The following MYOF variants were observed in gnomAD, a reference collection of about 807,000 sequenced individuals.
The protein encoded by MYOF is fer-1-like 3, myoferlin.
A neutral mutation model predicts 284.2 loss-of-function variants in MYOF; 244 were observed. The observed-to-expected ratio is 0.86, with a 90% CI of 0.77 to 0.95. The LOEUF is 0.95. Among genes scored for constraint, MYOF ranks in the 40% least tolerant of loss-of-function variants. The pLI is 0.00. For missense variants in MYOF, 2,496 were observed against 2,560.6 expected, an observed-to-expected ratio of 0.97 and a Z score of 0.54; for synonymous variants, 904 against 919.7, an observed-to-expected ratio of 0.98 and a Z score of 0.31.
At chr10:93,474,725 T>C (rs2004558) in intron 1 of MYOF, among the ~76,000 whole-genome samples, 117,914 of 151,706 alleles carry the variant, frequency 0.78, 46,276 homozygotes, top group South Asian at 0.85. Flanking sequence ...AGGCAGGAGA[T>C]ATTATTAAGA....
chr10:93,309,243 C>T (rs1222155098), intron 53 of MYOF, among the ~76,000 whole-genome samples: 3 of 152,166 alleles, frequency 2.0e-5, no homozygotes, highest in East Asian at 1.9e-4. Context: ...TCCTTGTTCC[C>T]GTGGCTGCCT....
At position 93,431,531 on chromosome 10, in the gene MYOF, G is replaced by T. The variant is rs750053885; in HGVS notation, c.237-15C>A. ...TGCCAATTAATCTGCAGGGAAAACA[G>T]GAAAGCACATAGCAGCCTAAGTAGG... On this transcript the variant is annotated splice_polypyrimidine_tract_variant and intron_variant, in intron 3 of 53. Coordinates refer to ENST00000359263, the MANE Select transcript of MYOF (RefSeq NM_013451.4). 10 of 1,607,864 alleles carry T rather than the reference G, an allele frequency of 6.2e-6. No homozygotes were observed. The highest frequency in any genetic ancestry group is 1.3e-5 in the African/African-American group (1 of 74,774).
chr10:93,410,360 T>G (rs972737665), intron 5 of MYOF, among the ~76,000 whole-genome samples: 5 of 152,066 alleles, frequency 3.3e-5, no homozygotes, highest in Non-Finnish European at 5.9e-5. Flanking sequence ...CCCTCTGCAC[T>G]CAGGAAAAGG....
At chr10:93,432,113 C>G (rs1324056410) in intron 3 of MYOF, among the ~76,000 whole-genome samples, 1 of 152,076 alleles carries the variant, frequency 6.6e-6, no homozygotes, top group Non-Finnish European at 1.5e-5. Flanking sequence ...AGTGGCCAGA[C>G]ACAGTGGCTT....
intron 19 of MYOF, among the ~76,000 whole-genome samples, chr10:93,383,065 T>G (rs1846200958): frequency 1.3e-5 from 2 of 152,238 alleles, no homozygotes; most frequent in Admixed American, 6.5e-5. Flanking sequence ...CTGGCTAATT[T>G]TTGTATTTTT....
At chr10:93,479,172 G>A (rs189485480) in intron 1 of MYOF, among the ~76,000 whole-genome samples, 125 of 149,124 alleles carry the variant, frequency 8.4e-4, no homozygotes, top group Non-Finnish European at 1.6e-3. Flanking sequence ...ATGGAGTCTC[G>A]TTCTATCTCC....
intron 3 of MYOF, among the ~76,000 whole-genome samples, chr10:93,434,458 T>A (rs1300182082): frequency 6.7e-6 from 1 of 149,156 alleles, no homozygotes; most frequent in Non-Finnish European, 1.5e-5. Context: ...CAAAAAAGAA[T>A]CTGTAGTTGG....
At chr10:93,365,056 C>G (rs1845266344) in intron 26 of MYOF, among the ~76,000 whole-genome samples, 1 of 152,178 alleles carries the variant, frequency 6.6e-6, no homozygotes, top group Non-Finnish European at 1.5e-5. Context: ...CAATTCAAAC[C>G]CCATTTTCCT....
chr10:93,381,897 C>T (rs1042455654), intron 19 of MYOF, among the ~76,000 whole-genome samples: 2 of 152,054 alleles, frequency 1.3e-5, no homozygotes, highest in African/African-American at 2.4e-5. Context: ...ATTAGCTGGG[C>T]GTGGTGGTGC....
rs540093510 is a variant in MYOF at position 93,354,851 on chromosome 10, G to GA, written c.3403+776dup. Among the ~76,000 whole-genome samples the GA allele has an allele frequency of 5.3e-5, 8 of 152,076 alleles. No individual in the cohort carries two copies. The South Asian group carries it at 1.5e-3, about 28-fold the overall frequency. On this transcript the variant is annotated intron_variant, in intron 31 of 53. Transcript: ENST00000359263. ...CTTGGTTCCTTCTTCTGTATAACGG[G>GA]AACAATAATAGCACCTACCTTACAG...
rs1564713869 is a variant in MYOF at position 93,431,533 on chromosome 10, A to G, written c.237-17T>C. ...CCAATTAATCTGCAGGGAAAACAGG[A>G]AAGCACATAGCAGCCTAAGTAGGAG... On this transcript the variant is annotated splice_polypyrimidine_tract_variant and intron_variant, in intron 3 of 53. Coordinates refer to ENST00000359263, the MANE Select transcript of MYOF (RefSeq NM_013451.4). The G allele has an allele frequency of 3.1e-6, 5 of 1,605,526 alleles. No individual in the cohort carries two copies. The highest frequency in any genetic ancestry group is 4.3e-6 in the Non-Finnish European group (5 of 1,172,746).
At chr10:93,470,060 C>A (rs749861585) in intron 1 of MYOF, among the ~76,000 whole-genome samples, 1 of 151,770 alleles carries the variant, frequency 6.6e-6, no homozygotes, top group African/African-American at 2.4e-5. Context: ...GAAACCCAGT[C>A]TCTGCTAAAA....
intron 3 of MYOF, among the ~76,000 whole-genome samples, chr10:93,435,299 C>A (rs1018689078): frequency 1.3e-5 from 2 of 152,178 alleles, no homozygotes; most frequent in African/African-American, 4.8e-5. Context: ...AGAGGGCCAG[C>A]CTGGGGTTGG....
At chr10:93,343,148 TTCA>T (rs1266807255) in intron 38 of MYOF, among the ~76,000 whole-genome samples, 1 of 152,222 alleles carries the variant, frequency 6.6e-6, no homozygotes, top group African/African-American at 2.4e-5. Flanking sequence ...GCTGTGAATG[TTCA>T]TCATAACTGC....
intron 37 of MYOF, among the ~76,000 whole-genome samples, chr10:93,347,311 G>A (rs1348014794): frequency 6.6e-6 from 1 of 151,388 alleles, no homozygotes; most frequent in African/African-American, 2.4e-5. Flanking sequence ...CCAGCACTTT[G>A]GGAGGCCGAG....
In MYOF at chr10:93,404,028, A is replaced by G; in HGVS notation, c.838T>C (p.Phe280Leu). 1.9e-6 allele frequency: 3 copies of G among 1,614,008 alleles called. No individual in the cohort carries two copies. In the East Asian group the frequency reaches 6.7e-5, roughly 36 times the overall value. Residue 280 changes from phenylalanine to leucine, a missense_variant, in exon 9 of 54, where the codon TTT (phenylalanine) becomes CTT (leucine). Around this residue, in one of 3 missense-constraint regions of MYOF, gnomAD observed 2,436 missense variants for 2,480.7 expected, o/e 0.98. Transcript: ENST00000359263. ...AGCAGACTGTTGTCACTCACCTTAA[A>G]TTCCCCCATCAGACAATCTGCCCGC... The part of the protein sequence containing the change: ...SLRADCLMGE[F>L]KIDVGFVYDE...
chr10:93,337,699 T>G lies in MYOF; in HGVS notation c.4437+116A>C, dbSNP rs1291902775. 4 of 771,370 alleles carry G rather than the reference T, an allele frequency of 5.2e-6. No individual in the cohort carries two copies. The African/African-American group carries it at 7.0e-5, about 14-fold the overall frequency. 47.8% of individuals were successfully genotyped at this position (771,370 alleles called of 1,614,324 possible). A position where few individuals can be genotyped will look rare whatever the true frequency, so the allele number is the denominator to read the frequency against. The stretch of plus-strand genomic sequence containing the variant: ...CTCTCCGGGAAGACAGAGGTTTTCC[T>G]GGGCCCTGCTCATTAGCACCCACCC... On this transcript the variant is annotated intron_variant, in intron 40 of 53. Transcript: ENST00000359263.
intron 47 of MYOF, 29 bp downstream of exon 47, chr10:93,323,241 G>T: frequency 6.2e-7 from 1 of 1,613,590 alleles, no homozygotes; most frequent in Non-Finnish European, 8.5e-7. Context: ...CCCAGTGTAT[G>T]TATCAGGGTC....
chr10:93,351,390 T>G, intron 34 of MYOF, 23 bp downstream of exon 34: 13 of 1,612,642 alleles, frequency 8.1e-6, no homozygotes, highest in Non-Finnish European at 1.1e-5. Flanking sequence ...ACAGAATACA[T>G]GAGGAAGAAC....
Sources: gnomAD v4.1 joint callset for allele counts (sites outside exome capture counted in the v4.1 genomes callset) on GRCh38, gnomAD v4.1.1 for gene constraint, gnomAD v4.1.1 regional missense constraint, MANE v1.5 for transcripts, NCBI Gene and HGNC (gene_info 2026-07-23, HGNC 2026-07-21) for gene names.